The following CALCRL variants were observed in gnomAD, a reference collection of about 807,000 sequenced individuals.
CALCRL encodes the protein calcitonin receptor like receptor.
CALCRL carries 27 observed loss-of-function variants against 60.4 expected under a neutral mutation model. The ratio of observed to expected loss-of-function variants is 0.45; its 90% CI spans 0.33 to 0.62. CALCRL has a LOEUF of 0.62. CALCRL is among the 20% of genes least tolerant of loss of function. The pLI is 0.03. For synonymous variants in CALCRL, 190 were observed against 182.6 expected (o/e 1.04, Z -0.33); for missense variants, 424 against 540.7 (o/e 0.78, Z 2.14).
At chr2:187,367,573 C>T (rs1401883291) in intron 8 of CALCRL, among the ~76,000 whole-genome samples, 3 of 152,012 alleles carry the variant, frequency 2.0e-5, no homozygotes, top group Non-Finnish European at 4.4e-5. Context: ...TTGGTAAACA[C>T]ATGGTTTGTT....
rs1212848330 is a variant in CALCRL at position 187,391,804 on chromosome 2, GAA to G, written c.-292-4050_-292-4049del. On this transcript the variant is annotated intron_variant, in intron 1 of 14. Transcript: ENST00000392370. ...TATATTTCATCACAAAAAGAACTGT[GAA>G]AAATAAAAATGTCTTAAAATCTGAA... Among the ~76,000 whole-genome samples, 7 of 152,002 alleles carry G rather than the reference GAA, an allele frequency of 4.6e-5. No homozygotes were observed. In the South Asian group the frequency reaches 1.5e-3, roughly 32 times the overall value.
At chr2:187,380,379 G>T in intron 7 of CALCRL, 88 bp downstream of exon 7, 2 of 708,360 alleles carry the variant, frequency 2.8e-6, no homozygotes, top group South Asian at 1.9e-5. Flanking sequence ...ATGGAATAAT[G>T]ACTTTATTTT....
At chr2:187,391,109 C>T (rs1027147700) in intron 1 of CALCRL, among the ~76,000 whole-genome samples, 2 of 152,170 alleles carry the variant, frequency 1.3e-5, no homozygotes, top group African/African-American at 4.8e-5. Flanking sequence ...GATAGACTCT[C>T]ATACTGGGAG....
intron 12 of CALCRL, among the ~76,000 whole-genome samples, chr2:187,352,861 C>T (rs1461764216): frequency 6.6e-6 from 1 of 151,906 alleles, no homozygotes; most frequent in Non-Finnish European, 1.5e-5. Context: ...TCCAAAGTAT[C>T]ACTGTAATCC....
Position 187,370,928 on chromosome 2 carries a change from ATTAAT to A in CALCRL, c.501-7431_501-7427del, listed in dbSNP as rs1421262701. 3.3e-5 allele frequency among the ~76,000 whole-genome samples: 5 copies of A among 152,348 alleles called. No homozygotes were observed. The South Asian group carries it at 1.0e-3, about 32-fold the overall frequency. On this transcript the variant is annotated intron_variant, in intron 8 of 14. Transcript: ENST00000392370. ...TATGTACACTAACTGATTAAAATTC[ATTAAT>A]TTGGAGATAGACCCAATAAAACATT...
chr2:187,392,775 C>T (rs1291501483), intron 1 of CALCRL, among the ~76,000 whole-genome samples: 2 of 152,052 alleles, frequency 1.3e-5, no homozygotes, highest in East Asian at 3.9e-4. Context: ...ACAATCATAG[C>T]TCACTGGTGC....
At chr2:187,436,882 TC>T (rs1380086672) in intron 1 of CALCRL, among the ~76,000 whole-genome samples, 4 of 152,230 alleles carry the variant, frequency 2.6e-5, no homozygotes, top group Non-Finnish European at 5.9e-5. Context: ...TTCTATGTGC[TC>T]CCCTTTTCTT....
rs1686169073 is a variant in CALCRL at position 187,343,623 on chromosome 2, A to C, written c.*2561T>G. The C allele has an allele frequency of 6.6e-6, 1 of 151,782 alleles. No homozygotes were observed. The highest frequency in any genetic ancestry group is 1.5e-5 in the Non-Finnish European group (1 of 67,590). 9.4% of individuals were successfully genotyped at this position (151,782 alleles called of 1,614,324 possible). ...GAAATAAAATGACAAATTAGAATTT[A>C]GAAAATTAAAATATGACTTTCACAA... On this transcript the variant is annotated 3_prime_UTR_variant, in exon 15 of 15. Transcript: ENST00000392370.
rs550395953 is a variant in CALCRL, at chr2:187,423,560, T to C, written c.-293+24479A>G. Reference sequence around the variant, plus strand: ...ATAAATTCTAAGGTTTCCCAAGATTTAGAAAACTTACTCTTGGATGGCAAA... The same window carrying C: ...ATAAATTCTAAGGTTTCCCAAGATTCAGAAAACTTACTCTTGGATGGCAAA... On this transcript the variant is annotated intron_variant, in intron 1 of 14. Coordinates refer to ENST00000392370, the MANE Select transcript of CALCRL (RefSeq NM_005795.6). 2.9e-4 allele frequency among the ~76,000 whole-genome samples: 44 copies of C among 152,122 alleles called. No individual in the cohort carries two copies. In the South Asian group the frequency reaches 8.3e-3, roughly 29 times the overall value.
At chr2:187,390,383 T>A (rs926797125) in intron 1 of CALCRL, among the ~76,000 whole-genome samples, 10 of 152,154 alleles carry the variant, frequency 6.6e-5, no homozygotes, top group Non-Finnish European at 1.2e-4. Context: ...TACAAAATAA[T>A]TTTTTAATGA....
intron 8 of CALCRL, among the ~76,000 whole-genome samples, chr2:187,375,731 A>G (rs1687730673): frequency 2.0e-5 from 3 of 152,220 alleles, no homozygotes; most frequent in Non-Finnish European, 4.4e-5. Context: ...TACAGGTTAC[A>G]TCTTTAAAGT....
intron 1 of CALCRL, among the ~76,000 whole-genome samples, chr2:187,396,811 G>A (rs192494780): frequency 6.6e-5 from 10 of 151,576 alleles, no homozygotes; most frequent in Non-Finnish European, 1.2e-4. Context: ...TGTTAATATC[G>A]TCTCACTGGT....
chr2:187,435,414 AGCC>A (rs1690591887), intron 1 of CALCRL, among the ~76,000 whole-genome samples: 1 of 152,158 alleles, frequency 6.6e-6, no homozygotes, highest in Non-Finnish European at 1.5e-5. Context: ...TTCATGAGGG[AGCC>A]ATCCCCATGA....
intron 1 of CALCRL, among the ~76,000 whole-genome samples, chr2:187,408,095 T>C (rs556092613): frequency 4.0e-4 from 61 of 152,170 alleles, no homozygotes; most frequent in African/African-American, 1.4e-3. Flanking sequence ...TTTAATTCTA[T>C]CATTCTGAGG....
chr2:187,415,637 C>A (rs982502940), intron 1 of CALCRL: 2 of 616,042 alleles, frequency 3.2e-6, no homozygotes, highest in African/African-American at 1.9e-5. Context: ...AACCAGGCAT[C>A]GGAGGGCCCC....
chr2:187,442,750 A>G (rs1385572610), intron 1 of CALCRL, among the ~76,000 whole-genome samples: 1 of 151,974 alleles, frequency 6.6e-6, no homozygotes, highest in Non-Finnish European at 1.5e-5. Flanking sequence ...TCTCTACTGT[A>G]GTATAGTCAC....
intron 12 of CALCRL, among the ~76,000 whole-genome samples, chr2:187,358,575 G>A (rs971223792): frequency 2.0e-5 from 3 of 150,140 alleles, no homozygotes; most frequent in Admixed American, 2.0e-4. Flanking sequence ...GGAGGATGAT[G>A]TCTGTGAACA....
At chr2:187,438,437 A>G (rs1344409783) in intron 1 of CALCRL, among the ~76,000 whole-genome samples, 1 of 152,202 alleles carries the variant, frequency 6.6e-6, no homozygotes, top group African/African-American at 2.4e-5. Flanking sequence ...ATGTCTGTTT[A>G]CCAAACAGAC....
chr2:187,411,455 T>C (rs1689354098), intron 1 of CALCRL, among the ~76,000 whole-genome samples: 1 of 152,064 alleles, frequency 6.6e-6, no homozygotes, highest in African/African-American at 2.4e-5. Context: ...ATATATAAGG[T>C]AGCAAATGAC....
Sources: allele counts gnomAD v4.1 joint callset (sites outside exome capture counted in the v4.1 genomes callset), GRCh38; gene constraint gnomAD v4.1.1; transcripts MANE v1.5; gene names NCBI Gene and HGNC (gene_info 2026-07-23, HGNC 2026-07-21).